Variants in BNIP5 observed in about 807,000 individuals in gnomAD.
BNIP5 encodes BCL2 interacting protein 5, also known as protein BNIP5.
Under a neutral mutation model 67.3 loss-of-function variants are expected in BNIP5, and 61 were observed. The observed-to-expected ratio is 0.91, with a 90% CI of 0.74 to 1.12. The LOEUF (loss-of-function observed/expected upper bound fraction) is 1.12, where lower values mean the gene tolerates loss of function less well. Ranked by LOEUF, BNIP5 falls within the 50% of genes most tolerant of loss-of-function variation. The probability of loss-of-function intolerance (pLI) is 0.00; values close to 1 mark genes in which losing one functional copy is unlikely to be tolerated. For missense variants in BNIP5, 826 were observed against 816.3 expected (o/e 1.01, Z -0.14); for synonymous variants, 317 against 319.0 (o/e 0.99, Z 0.07).
rs147890876 is a variant in BNIP5, at chr6:36,335,775, C to T, written c.-5+937G>A. 4.9e-4 allele frequency among the ~76,000 whole-genome samples: 74 copies of T among 152,336 alleles called. No individual in the cohort carries two copies. In the East Asian group the frequency reaches 0.013, roughly 27 times the overall value. ...TGAGGCTCCGGACCATTAAGAGACACGCCCAAGGTCACATAGCCGGGAAGC... is the reference window on the plus strand; with the variant it reads ...TGAGGCTCCGGACCATTAAGAGACATGCCCAAGGTCACATAGCCGGGAAGC... On this transcript the variant is annotated intron_variant, in intron 1 of 11. Coordinates refer to ENST00000437635, the MANE Select transcript of BNIP5 (RefSeq NM_001010903.5).
In BNIP5 at chr6:36,330,463, G is replaced by A; in HGVS notation, c.228C>T (p.Pro76=). The stretch of plus-strand genomic sequence containing the variant: ...GAAAATCTCCGGTCTCCTCGGGAGT[G>A]GGGGCTGCAGCGGTGGTGCAGTGAG... ...AEAHCTTAAA[P]TPEETGDFLP... Residue 76 remains proline, a synonymous_variant, in exon 2 of 12, where the codon CCC becomes CCT. Transcript: ENST00000437635. 1 of 1,614,174 alleles carries A rather than the reference G, an allele frequency of 6.2e-7. No homozygotes were observed. Among genetic ancestry groups the A allele is most frequent in the East Asian group, 2.2e-5 (1 of 44,878 alleles).
At chr6:36,325,191 T>C in intron 6 of BNIP5, 92 bp downstream of exon 6, 4 of 1,411,598 alleles carry the variant, frequency 2.8e-6, no homozygotes, top group Non-Finnish European at 4.0e-6. Context: ...GACAGGTCAC[T>C]GCCTCTCTCT....
intron 2 of BNIP5, 135 bp downstream of exon 2, chr6:36,329,946 A>G (rs569174673): frequency 2.5e-5 from 21 of 845,714 alleles, no homozygotes; most frequent in South Asian, 1.2e-4. Context: ...GGGAGGGAGG[A>G]AGGAAGGAAG....
rs1771654613 is a variant in BNIP5, at chr6:36,322,340, G to T, written c.1574C>A (p.Ala525Glu). The T allele has an allele frequency of 1.2e-6, 2 of 1,614,178 alleles. No individual in the cohort carries two copies. The highest frequency in any genetic ancestry group is 2.7e-5 in the African/African-American group (2 of 75,056). Reference protein sequence around the residue: ...SQARGHTPEGAPQLSGACESK... With the variant: ...SQARGHTPEGEPQLSGACESK... ...TTCACATGCTCCACTCAGCTGAGGT[G>T]CCCCTTCTGGCGTGTGGCCTCTAGC... The change falls in exon 9 of 12, where the codon GCA becomes GAA. Residue 525 changes from alanine to glutamate, a missense_variant. By Grantham distance (107) the Ala-to-Glu change is moderately radical (BLOSUM62 -1). Coordinates refer to ENST00000437635, the MANE Select transcript of BNIP5 (RefSeq NM_001010903.5).
chr6:36,326,951 C>T, intron 4 of BNIP5, 79 bp downstream of exon 4: 3 of 1,461,238 alleles, frequency 2.1e-6, no homozygotes, highest in Non-Finnish European at 2.9e-6. Context: ...GCCCGGCCTG[C>T]AAGGACAGGT....
chr6:36,322,706 G>A (rs1297995186), intron 8 of BNIP5, among the ~76,000 whole-genome samples: 1 of 152,206 alleles, frequency 6.6e-6, no homozygotes, highest in Admixed American at 6.5e-5. Flanking sequence ...CCCACCAAAT[G>A]AACCCTTTCC....
Position 36,325,272 on chromosome 6 carries a change from G to A in BNIP5, c.1168+11C>T, listed in dbSNP as rs200952844. On this transcript the variant is annotated intron_variant, in intron 6 of 11. Transcript: ENST00000437635. The stretch of plus-strand genomic sequence containing the variant: ...GCAAGGGGTGTCTGAGAAAAAGAGA[G>A]GAGTACTGACTGTATTCCGAGGCTC... 58 of 1,613,772 alleles carry A rather than the reference G, an allele frequency of 3.6e-5. No individual in the cohort carries two copies. The highest frequency in any genetic ancestry group is 4.5e-5 in the Non-Finnish European group (53 of 1,179,860).
chr6:36,335,231 AC>A (rs561176099), intron 1 of BNIP5, among the ~76,000 whole-genome samples: 1 of 152,134 alleles, frequency 6.6e-6, no homozygotes, highest in Non-Finnish European at 1.5e-5. Flanking sequence ...TAATTTGTTC[AC>A]CTGGCCGCGT....
rs1160352526 is a variant in BNIP5, at chr6:36,317,317, T to G, written c.*39A>C. ...TCTCCTGGCTAAAGCTGCGAACCAT[T>G]TGGCTAGTTCAAGGGAATTTGAGTG... On this transcript the variant is annotated 3_prime_UTR_variant, in exon 12 of 12. Transcript: ENST00000437635. 1.3e-6 allele frequency: 2 copies of G among 1,566,690 alleles called. No homozygotes were observed. Among genetic ancestry groups the G allele is most frequent in the South Asian group, 2.2e-5 (2 of 90,122 alleles).
chr6:36,325,327 T>C lies in BNIP5; in HGVS notation c.1124A>G (p.Gln375Arg). The C allele has an allele frequency of 6.2e-7, 1 of 1,614,194 alleles. No individual in the cohort carries two copies. Among genetic ancestry groups the C allele is most frequent in the Non-Finnish European group, 8.5e-7 (1 of 1,180,016 alleles). ...PSVLPTPSESQEPGEELPLDR... is the reference protein window; with the variant it reads ...PSVLPTPSESREPGEELPLDR... Reference sequence around the variant, plus strand: ...CAGCGGAAGCTCCTCTCCAGGTTCCTGGCTCTCTGATGGGGTGGGAAGCAC... The same window carrying C: ...CAGCGGAAGCTCCTCTCCAGGTTCCCGGCTCTCTGATGGGGTGGGAAGCAC... The change falls in exon 6 of 12, where the codon CAG (glutamine) becomes CGG (arginine). Residue 375 changes from glutamine (Q) to arginine (R), a missense_variant. Physicochemically the swap from Gln to Arg is conservative, Grantham distance 43. Transcript: ENST00000437635.
chr6:36,320,737 G>T (rs1582122488), intron 10 of BNIP5, among the ~76,000 whole-genome samples: 1 of 152,222 alleles, frequency 6.6e-6, no homozygotes, highest in South Asian at 2.1e-4. Flanking sequence ...CCACATAAAT[G>T]CTGAAGAGCA....
rs552248037 is a variant in BNIP5 at position 36,325,789 on chromosome 6, C to T, written c.1037-375G>A. Among the ~76,000 whole-genome samples the T allele has an allele frequency of 2.8e-4, 43 of 152,290 alleles. No individual in the cohort carries two copies. In the South Asian group the frequency reaches 7.9e-3, roughly 28 times the overall value. On this transcript the variant is annotated intron_variant, in intron 5 of 11. Transcript: ENST00000437635. ...TGAAATTCCCCTCTTTGGTGTTAAG[C>T]GTCACTCCCTCCTTTCTAAGATGTA...
intron 1 of BNIP5, among the ~76,000 whole-genome samples, chr6:36,333,406 T>A (rs569707787): frequency 2.1e-4 from 32 of 152,372 alleles, no homozygotes; most frequent in African/African-American, 7.5e-4. Flanking sequence ...ATATGGAAAT[T>A]CACTAATGTT....
intron 2 of BNIP5, among the ~76,000 whole-genome samples, chr6:36,329,790 G>A (rs775493368): frequency 2.0e-5 from 3 of 151,742 alleles, no homozygotes; most frequent in Admixed American, 6.6e-5. Context: ...CAGCCTGGGC[G>A]ACAGAGGCTC....
intron 2 of BNIP5, 114 bp downstream of exon 2, chr6:36,329,967 C>T (rs983187278): frequency 4.5e-5 from 53 of 1,174,766 alleles, no homozygotes; most frequent in Middle Eastern, 2.9e-4. Flanking sequence ...GAAGTCACAG[C>T]GGTGCCGGCC....
rs1318406656 is a variant in BNIP5, at chr6:36,323,329, C to A, written c.1435G>T (p.Val479Phe). The A allele has an allele frequency of 1.2e-6, 2 of 1,614,146 alleles. No homozygotes were observed. Among genetic ancestry groups the A allele is most frequent in the African/African-American group, 2.7e-5 (2 of 74,956 alleles). The stretch of plus-strand genomic sequence containing the variant: ...GAGGTGGAGGGCCGATGGCCACCAA[C>A]ACACAGGGGCAGAAAGCTGGGCCTC... The part of the protein sequence containing the change: ...PKRPSFLPLC[V>F]GGHRPSTSSS... The change falls in exon 8 of 12, where the codon GTT (valine) becomes TTT (phenylalanine). Residue 479 changes from valine (V) to phenylalanine (F), a missense_variant. Transcript: ENST00000437635.
At chr6:36,330,772 TTTG>T (rs2127370478) in intron 1 of BNIP5, 78 bp from the exon 2 acceptor site, 1 of 1,492,884 alleles carries the variant, frequency 6.7e-7, no homozygotes, top group South Asian at 1.4e-5. Flanking sequence ...TTTGTTTGTT[TTTG>T]TTTTTTATGA....
chr6:36,330,824 C>CAT, intron 1 of BNIP5, 130 bp from the exon 2 acceptor site: 2 of 1,235,118 alleles, frequency 1.6e-6, no homozygotes, highest in Admixed American at 3.0e-5. Context: ...AGTGCAGTGG[C>CAT]GCTATCTCAG....
intron 6 of BNIP5, among the ~76,000 whole-genome samples, chr6:36,324,963 G>T (rs941649551): frequency 3.9e-5 from 6 of 152,078 alleles, no homozygotes; most frequent in Non-Finnish European, 8.8e-5. Context: ...GCTCAAAGGG[G>T]TCACAGCCCA....
Sources: allele counts gnomAD v4.1 joint callset (sites outside exome capture counted in the v4.1 genomes callset), GRCh38; gene constraint gnomAD v4.1.1; transcripts MANE v1.5; gene names NCBI Gene and HGNC (gene_info 2026-07-23, HGNC 2026-07-21).